The following PCDHGA6 variants were observed in gnomAD, a reference collection of about 807,000 sequenced individuals.
The protein encoded by PCDHGA6 is protocadherin gamma subfamily A, 6.
Under a neutral mutation model 60.6 loss-of-function variants are expected in PCDHGA6, and 41 were observed. The ratio of observed to expected loss-of-function variants is 0.68; its 90% CI spans 0.53 to 0.88. The LOEUF is 0.88. Among genes scored for constraint, PCDHGA6 ranks in the 40% least tolerant of loss-of-function variants. The pLI, the probability that PCDHGA6 is intolerant of heterozygous loss-of-function variation, is 0.00. For synonymous variants in PCDHGA6, 594 were observed against 524.4 expected, an observed-to-expected ratio of 1.13 and a Z score of -1.81; for missense variants, 1,312 against 1,203.0, an observed-to-expected ratio of 1.09 and a Z score of -1.34.
At chr5:141,397,984 A>G in intron 1 of PCDHGA6, 18 of 1,310,016 alleles carry the variant, frequency 1.4e-5, no homozygotes, top group Non-Finnish European at 1.9e-5. Flanking sequence ...CGGCCTTTAC[A>G]CCGCTTCCTC....
intron 1 of PCDHGA6, chr5:141,388,283 C>T (rs1164558432): frequency 1.2e-6 from 2 of 1,613,304 alleles, no homozygotes; most frequent in East Asian, 4.5e-5. Flanking sequence ...CGCCAAAATT[C>T]ACGCAAAATT....
At chr5:141,395,558 G>T (rs60237573) in intron 1 of PCDHGA6, 12 of 127,934 alleles carry the variant, frequency 9.4e-5, no homozygotes, top group African/African-American at 5.1e-4. Context: ...GTGTGTGTGT[G>T]TGTGTGTGTG....
chr5:141,489,530 G>A lies in PCDHGA6; in HGVS notation c.2425-5277G>A. 6.2e-7 allele frequency: 1 copy of A among 1,614,092 alleles called. No homozygotes were observed. Among genetic ancestry groups the A allele is most frequent in the Non-Finnish European group, 8.5e-7 (1 of 1,180,022 alleles). On this transcript the variant is annotated intron_variant, in intron 1 of 3. Transcript: ENST00000517434. This position sits in a 1 kb window ranked among gnomAD's most constrained non-coding sequence, Gnocchi z 4.5. ...AAGATTGACCGAGAAAGCCTATGTGGAGCCAGCACCAGCTGCCTGCTGCCA... is the reference window on the plus strand; with the variant it reads ...AAGATTGACCGAGAAAGCCTATGTGAAGCCAGCACCAGCTGCCTGCTGCCA...
At chr5:141,433,031 T>G (rs2097561851) in intron 1 of PCDHGA6, 2 of 1,614,088 alleles carry the variant, frequency 1.2e-6, no homozygotes, top group Non-Finnish European at 8.5e-7. Flanking sequence ...CCACGAGGTT[T>G]CCCTCACCAC....
chr5:141,431,921 G>A lies in PCDHGA6; in HGVS notation c.2424+55414G>A. The A allele has an allele frequency of 1.9e-6, 3 of 1,614,142 alleles. No homozygotes were observed. Among genetic ancestry groups the A allele is most frequent in the South Asian group, 2.2e-5 (2 of 91,084 alleles). On this transcript the variant is annotated intron_variant, in intron 1 of 3. Transcript: ENST00000517434. The surrounding 1 kb of genome is among the most constrained non-coding windows in gnomAD (Gnocchi z 4.8). ...CGGACAGGTGATCTGTTTCATCCAA[G>A]GAAATCTGCCCTTTAAATTAGAAAA...
intron 1 of PCDHGA6, among the ~76,000 whole-genome samples, chr5:141,472,015 T>C (rs2099269555): frequency 6.6e-6 from 1 of 152,164 alleles, no homozygotes; most frequent in African/African-American, 2.4e-5. Flanking sequence ...AGGGGCACTA[T>C]ATTGTATGTA....
intron 1 of PCDHGA6, chr5:141,394,111 C>T: frequency 1.9e-6 from 3 of 1,613,936 alleles, no homozygotes; most frequent in African/African-American, 2.7e-5. Flanking sequence ...CCACCTCTGT[C>T]CACTGAAACT....
chr5:141,393,206 A>G (rs774279389), intron 1 of PCDHGA6: 2 of 1,613,588 alleles, frequency 1.2e-6, no homozygotes, highest in Non-Finnish European at 1.7e-6. Flanking sequence ...ATAATAACCC[A>G]AAATTCCAGG....
At chr5:141,468,737 G>A (rs1288031024) in intron 1 of PCDHGA6, among the ~76,000 whole-genome samples, 1 of 151,948 alleles carries the variant, frequency 6.6e-6, no homozygotes, top group African/African-American at 2.4e-5. Context: ...GTGGTGGCGG[G>A]TGCCTGTAGT....
rs956295940 is a variant in PCDHGA6 at position 141,477,700 on chromosome 5, G to T, written c.2425-17107G>T. The T allele has an allele frequency of 1.2e-6, 2 of 1,613,954 alleles. No individual in the cohort carries two copies. Among genetic ancestry groups the T allele is most frequent in the African/African-American group, 2.7e-5 (2 of 74,928 alleles). On this transcript the variant is annotated intron_variant, in intron 1 of 3. Coordinates refer to ENST00000517434, the MANE Select transcript of PCDHGA6 (RefSeq NM_018919.3). This position sits in a 1 kb window ranked among gnomAD's most constrained non-coding sequence, Gnocchi z 4.9. ...CATCCTTAGTGCCCCTAGACTATGAGGATCGGCGGGAATTTGAATTAACAG... is the reference window on the plus strand; with the variant it reads ...CATCCTTAGTGCCCCTAGACTATGATGATCGGCGGGAATTTGAATTAACAG...
At chr5:141,379,573 G>C (rs1470548160) in intron 1 of PCDHGA6, 1 of 152,120 alleles carries the variant, frequency 6.6e-6, no homozygotes, top group Non-Finnish European at 1.5e-5. Context: ...GATCAGGCTG[G>C]TTTATTTTAT....
intron 1 of PCDHGA6, chr5:141,420,054 G>A (rs1355002535): frequency 6.2e-7 from 1 of 1,614,070 alleles, no homozygotes; most frequent in East Asian, 2.2e-5. Context: ...TCAGTTCTCT[G>A]CTCCAAGTCC....
At chr5:141,411,134 G>A (rs1050594380) in intron 1 of PCDHGA6, 1 of 152,434 alleles carries the variant, frequency 6.6e-6, no homozygotes, top group Non-Finnish European at 1.5e-5. Context: ...ACAGGCGTGA[G>A]CCACAATATT....
intron 1 of PCDHGA6, chr5:141,418,595 G>GT (rs2096273873): frequency 6.2e-7 from 1 of 1,613,928 alleles, no homozygotes; most frequent in African/African-American, 1.3e-5. Context: ...CAGCCAGGAC[G>GT]TGTACAGGGT....
chr5:141,449,098 G>A (rs1314761371), intron 1 of PCDHGA6, among the ~76,000 whole-genome samples: 1 of 152,140 alleles, frequency 6.6e-6, no homozygotes, highest in Admixed American at 6.5e-5. Context: ...TTTTACATAT[G>A]CAGTATATCT....
intron 1 of PCDHGA6, chr5:141,382,738 C>A (rs1464522704): frequency 1.7e-6 from 1 of 572,972 alleles, no homozygotes; most frequent in East Asian, 2.8e-5. Context: ...CACAGAGAAA[C>A]GACAGATTGC....
At chr5:141,400,154 T>G in intron 1 of PCDHGA6, 1 of 1,614,076 alleles carries the variant, frequency 6.2e-7, no homozygotes, top group Non-Finnish European at 8.5e-7. Context: ...GACCGCCCTG[T>G]ACCCTCTGAC....
At chr5:141,478,795 C>T (rs919747545) in intron 1 of PCDHGA6, 7 of 1,468,056 alleles carry the variant, frequency 4.8e-6, no homozygotes, top group Non-Finnish European at 6.3e-6. Flanking sequence ...ACATCCTCAG[C>T]ACTCTTTTGC....
chr5:141,429,416 T>C (rs527999196), intron 1 of PCDHGA6, among the ~76,000 whole-genome samples: 1 of 152,230 alleles, frequency 6.6e-6, no homozygotes, highest in Admixed American at 6.5e-5. Flanking sequence ...GGTCTCATTA[T>C]GTTGCCCAGG....
Sources: allele counts gnomAD v4.1 joint callset (sites outside exome capture counted in the v4.1 genomes callset), GRCh38; gene constraint gnomAD v4.1.1; non-coding constraint Gnocchi (gnomAD v3.1); transcripts MANE v1.5; gene names NCBI Gene and HGNC (gene_info 2026-07-23, HGNC 2026-07-21).